Variants in GSE1 observed in about 807,000 individuals in gnomAD.
GSE1 encodes the protein Gse1 coiled-coil protein, also known as genetic suppressor element 1.
GSE1 carries 32 observed loss-of-function variants against 112.6 expected under a neutral mutation model. The ratio of observed to expected loss-of-function variants is 0.28; its 90% CI spans 0.21 to 0.38. The LOEUF (loss-of-function observed/expected upper bound fraction) is 0.38, where lower values mean the gene tolerates loss of function less well. Among genes scored for constraint, GSE1 ranks in the 10% least tolerant of loss-of-function variants. The probability of loss-of-function intolerance (pLI) is 1.00; values close to 1 mark genes in which losing one functional copy is unlikely to be tolerated. For synonymous variants in GSE1, 1,115 were observed against 735.6 expected (o/e 1.52, Z -8.35); for missense variants, 2,348 against 1,699.2 (o/e 1.38, Z -6.71).
intron 2 of GSE1, among the ~76,000 whole-genome samples, chr16:85,492,113 A>G (rs1021935355): frequency 6.6e-6 from 1 of 152,190 alleles, no homozygotes; most frequent in Non-Finnish European, 1.5e-5. Context: ...AGCGGGTGCC[A>G]GACAGGCTTG....
intron 1 of GSE1, among the ~76,000 whole-genome samples, chr16:85,303,177 G>A (rs2045573325): frequency 6.6e-6 from 1 of 152,244 alleles, no homozygotes; most frequent in South Asian, 2.1e-4. Context: ...GCCCGGCATT[G>A]AGGACAGGTG....
intron 2 of GSE1, among the ~76,000 whole-genome samples, chr16:85,360,257 G>A (rs909646087): frequency 2.6e-5 from 4 of 151,984 alleles, no homozygotes; most frequent in African/African-American, 9.7e-5. Context: ...TGGGGGCGGG[G>A]GCCTGAGAGT....
At chr16:85,579,952 C>G (rs983424794) in intron 1 of GSE1, 1 of 152,266 alleles carries the variant, frequency 6.6e-6, no homozygotes, top group Non-Finnish European at 1.5e-5. Context: ...GACAAAAATC[C>G]TGGAGCGGCT....
intron 2 of GSE1, among the ~76,000 whole-genome samples, chr16:85,428,375 C>T (rs1024602513): frequency 6.6e-6 from 1 of 152,238 alleles, no homozygotes; most frequent in Non-Finnish European, 1.5e-5. Flanking sequence ...CGGAGCCGAC[C>T]GTCTGGCTTC....
chr16:85,518,199 C>T (rs945800360), intron 2 of GSE1, among the ~76,000 whole-genome samples: 4 of 152,226 alleles, frequency 2.6e-5, no homozygotes, highest in East Asian at 3.9e-4. Flanking sequence ...GATCCAGTGA[C>T]GCCTTGGTGG....
At position 85,364,709 on chromosome 16, in the gene GSE1, C is replaced by A. The variant is rs114198483; in HGVS notation, c.2464+7066C>A. Among the ~76,000 whole-genome samples, 1,474 of 152,296 alleles carry A rather than the reference C, an allele frequency of 9.7e-3. 24 individuals are homozygous for A. Among genetic ancestry groups the A allele is most frequent in the African/African-American group, 0.034 (1,399 of 41,554 alleles). ...TGGATACTCTCCCGCTGTGGCCTTC[C>A]AGTGACCCATGCCGTTCCTGCCCAC... On this transcript the variant is annotated intron_variant, in intron 2 of 2. Transcript: ENST00000637419.
chr16:85,638,271 G>A (rs1947435328), intron 2 of GSE1, among the ~76,000 whole-genome samples: 1 of 152,208 alleles, frequency 6.6e-6, no homozygotes, highest in African/African-American at 2.4e-5. Flanking sequence ...GAGAGGAAGA[G>A]GAGGCCCTCG....
At position 85,614,637 on chromosome 16, in the gene GSE1, G is replaced by A. The variant is rs905907623; in HGVS notation, c.7+1239G>A. 1.9e-4 allele frequency among the ~76,000 whole-genome samples: 29 copies of A among 152,340 alleles called. 1 individual carries two copies. Among genetic ancestry groups the A allele is most frequent in the East Asian group, 7.7e-4 (4 of 5,184 alleles). On this transcript the variant is annotated intron_variant, in intron 1 of 15. Transcript: ENST00000253458. Reference sequence around the variant, plus strand: ...GTCTGAGTTCCGAGGGCAGCGTGCTGGCGGTGGGGGAGCACCTGCCGGGTT... The same window carrying A: ...GTCTGAGTTCCGAGGGCAGCGTGCTAGCGGTGGGGGAGCACCTGCCGGGTT...
intron 1 of GSE1, among the ~76,000 whole-genome samples, chr16:85,200,972 C>T (rs148270876): frequency 6.6e-6 from 1 of 152,250 alleles, no homozygotes; most frequent in African/African-American, 2.4e-5. Context: ...TGGCAGGCTC[C>T]AAGCCTGGAG....
intron 3 of GSE1, among the ~76,000 whole-genome samples, chr16:85,649,805 T>TGAA (rs1022698935): frequency 6.6e-6 from 1 of 152,182 alleles, no homozygotes; most frequent in African/African-American, 2.4e-5. Flanking sequence ...CACTCTTGCC[T>TGAA]GAAGCTCCCT....
intron 2 of GSE1, among the ~76,000 whole-genome samples, chr16:85,642,553 A>G (rs1035076074): frequency 2.0e-5 from 3 of 152,282 alleles, no homozygotes; most frequent in Non-Finnish European, 4.4e-5. Context: ...CTGTGTCTCC[A>G]TCGGCAGCAT....
Position 85,544,237 on chromosome 16 carries a change from G to A in GSE1, c.2465-89677G>A, listed in dbSNP as rs75241566. Among the ~76,000 whole-genome samples, 848 of 152,298 alleles carry A rather than the reference G, an allele frequency of 5.6e-3. 6 individuals carry two copies. The highest frequency in any genetic ancestry group is 0.019 in the African/African-American group (806 of 41,548). ...TCCTGCAATGCACGGGACAGTCCCC[G>A]CAGCGAAGAATCATCCGGCCCCCAG... is the stretch of plus-strand genomic sequence containing the variant. On this transcript the variant is annotated intron_variant, in intron 2 of 2. Coordinates refer to the GSE1 transcript ENST00000637419.
At chr16:85,410,421 A>T (rs1394454106) in intron 2 of GSE1, among the ~76,000 whole-genome samples, 6 of 22,070 alleles carry the variant, frequency 2.7e-4, no homozygotes, top group Admixed American at 5.1e-4. Context: ...TCACTGTTAC[A>T]CTCAGGGCCC....
At chr16:85,412,695 G>A (rs1393798903) in intron 2 of GSE1, among the ~76,000 whole-genome samples, 1 of 86,158 alleles carries the variant, frequency 1.2e-5, no homozygotes, top group African/African-American at 3.8e-5. Context: ...GTTACACTCA[G>A]GGCACCTGGA....
At chr16:85,556,430 G>C (rs2045215189) in intron 1 of GSE1, 1 of 733,238 alleles carries the variant, frequency 1.4e-6, no homozygotes, top group Non-Finnish European at 1.7e-6. Flanking sequence ...TCCCTCACCC[G>C]ACCCCCCTCC....
At chr16:85,455,726 T>A (rs557760229) in intron 2 of GSE1, among the ~76,000 whole-genome samples, 2 of 152,216 alleles carry the variant, frequency 1.3e-5, no homozygotes, top group Admixed American at 1.3e-4. Context: ...ACTTCCCACA[T>A]TGGGGAGTTC....
intron 1 of GSE1, among the ~76,000 whole-genome samples, chr16:85,329,355 G>T (rs2046291612): frequency 6.6e-6 from 1 of 152,180 alleles, no homozygotes; most frequent in Non-Finnish European, 1.5e-5. Context: ...CTCTGCTAGG[G>T]GCGGCGTGGG....
intron 1 of GSE1, among the ~76,000 whole-genome samples, chr16:85,630,406 G>A (rs1254539917): frequency 6.6e-6 from 1 of 152,200 alleles, no homozygotes; most frequent in African/African-American, 2.4e-5. Context: ...GTATAGCGGT[G>A]TGATCATAGC....
intron 2 of GSE1, among the ~76,000 whole-genome samples, chr16:85,417,007 A>C (rs1463503223): frequency 2.0e-5 from 3 of 152,184 alleles, no homozygotes; most frequent in Non-Finnish European, 4.4e-5. Context: ...GGCACAAGCC[A>C]CCATGCCCGG....
Sources: gnomAD v4.1 joint callset for allele counts (sites outside exome capture counted in the v4.1 genomes callset) on GRCh38, gnomAD v4.1.1 for gene constraint, MANE v1.5 for transcripts, NCBI Gene and HGNC (gene_info 2026-07-23, HGNC 2026-07-21) for gene names.